INSRR: variants seen among roughly 807,000 people sequenced by gnomAD.
INSRR encodes the protein insulin receptor related receptor.
Under a neutral mutation model 130.0 loss-of-function variants are expected in INSRR, and 114 were observed. That is an observed-to-expected ratio of 0.88 (90% CI 0.75 to 1.02). The LOEUF is 1.02. Ranked by LOEUF, INSRR falls within the 50% of genes least tolerant of loss-of-function variation. The pLI is 0.00. For missense variants in INSRR, 1,657 were observed against 1,735.2 expected, an observed-to-expected ratio of 0.95 and a Z score of 0.80; for synonymous variants, 674 against 705.2, an observed-to-expected ratio of 0.96 and a Z score of 0.70.
In INSRR at chr1:156,844,839, C is replaced by T; in HGVS notation, c.2442G>A (p.Glu814=). Residue 814 remains glutamate, a synonymous_variant, in exon 13 of 22, where the codon GAG becomes GAA. Transcript: ENST00000368195. ...CCACCTTTCCTGGAATACCATCAGCCTCTCCTGCGGGAAGGGGCATCCAGC... is the reference window on the plus strand; with the variant it reads ...CCACCTTTCCTGGAATACCATCAGCTTCTCCTGCGGGAAGGGGCATCCAGC... The part of the protein sequence containing the change: ...FVFARTMPHR[E]ADGIPGKVAW... 6.2e-7 allele frequency: 1 copy of T among 1,614,010 alleles called. No homozygotes were observed. The highest frequency in any genetic ancestry group is 8.5e-7 in the Non-Finnish European group (1 of 1,179,990).
intron 5 of INSRR, among the ~76,000 whole-genome samples, chr1:156,850,787 C>T (rs1422240026): frequency 6.6e-6 from 1 of 151,716 alleles, no homozygotes; most frequent in African/African-American, 2.4e-5. Context: ...GAATTCCTGA[C>T]CTCAAGTGAT....
Position 156,849,018 on chromosome 1 carries a change from T to C in INSRR, c.1474A>G (p.Asn492Asp), listed in dbSNP as rs1655109496. 1.9e-6 allele frequency: 3 copies of C among 1,613,504 alleles called. No individual in the cohort carries two copies. The African/African-American group carries it at 4.0e-5, about 22-fold the overall frequency. The change falls in exon 7 of 22, where the codon AAC becomes GAC. Residue 492 changes from asparagine (N) to aspartate (D), a missense_variant. Transcript: ENST00000368195. ...AGGATGCGGTCTGCCTCCGTCACGTTGGACACGAAGCGCAGGGTGCGAGTC... is the reference window on the plus strand; with the variant it reads ...AGGATGCGGTCTGCCTCCGTCACGTCGGACACGAAGCGCAGGGTGCGAGTC... ...CQTRTLRFVSNVTEADRILLR... is the reference protein window; with the variant it reads ...CQTRTLRFVSDVTEADRILLR...
At chr1:156,852,789 G>A (rs1655271684) in intron 2 of INSRR, among the ~76,000 whole-genome samples, 1 of 152,262 alleles carries the variant, frequency 6.6e-6, no homozygotes, top group African/African-American at 2.4e-5. Flanking sequence ...GCCAGGTCGT[G>A]TTGACACTGT....
rs1654737871 is a variant in INSRR, at chr1:156,840,637, ACTC to A, written c.*233_*235del. 1 of 572,354 alleles carries A rather than the reference ACTC, an allele frequency of 1.7e-6. No individual in the cohort carries two copies. The highest frequency in any genetic ancestry group is 3.1e-6 in the Non-Finnish European group (1 of 320,250). The allele number at this position is 572,354 out of a possible 1,614,324, so 35.5% of individuals were successfully genotyped here. A position where few individuals can be genotyped will look rare whatever the true frequency, so the allele number is the denominator to read the frequency against. On this transcript the variant is annotated 3_prime_UTR_variant, in exon 22 of 22. Coordinates refer to ENST00000368195, the MANE Select transcript of INSRR (RefSeq NM_014215.3). ...GACATCTCTCCCTGACCTGATCTCT[ACTC>A]CTCTGGCTTTGACCCTGCTTGCTCT... is the stretch of plus-strand genomic sequence containing the variant.
chr1:156,853,680 C>A, intron 2 of INSRR, 72 bp downstream of exon 2: 3 of 1,449,774 alleles, frequency 2.1e-6, no homozygotes, highest in Non-Finnish European at 2.8e-6. Flanking sequence ...CCCACACCAT[C>A]CTGTGGCCAC....
In INSRR at chr1:156,858,725, G is replaced by C; in HGVS notation, c.-104C>G. ...GACACAGAGACCAGGGTTCAGATAG[G>C]AGAGGGAGGGCAGGGGCAGAGAGAC... On this transcript the variant is annotated 5_prime_UTR_variant, in exon 1 of 22. Coordinates refer to ENST00000368195, the MANE Select transcript of INSRR (RefSeq NM_014215.3). The C allele has an allele frequency of 1.1e-6, 1 of 922,036 alleles. No homozygotes were observed. The highest frequency in any genetic ancestry group is 1.8e-6 in the Non-Finnish European group (1 of 561,680). 57.1% of individuals were successfully genotyped at this position (922,036 alleles called of 1,614,324 possible).
At chr1:156,850,321 C>T (rs905336848) in intron 5 of INSRR, among the ~76,000 whole-genome samples, 5 of 152,066 alleles carry the variant, frequency 3.3e-5, no homozygotes, top group Non-Finnish European at 7.4e-5. Context: ...AAGTGATTCT[C>T]CTGCCTCAGC....
rs1483213055 is a variant in INSRR at position 156,842,213 on chromosome 1, A to T, written c.3296T>A (p.Ile1099Asn). ...LGEMIQMAGE[I>N]ADGMAYLAAN... Reference sequence around the variant, plus strand: ...AGCAAGGTAGGCCATGCCGTCTGCAATCTCACCAGCCATTTGGATCATTTC... The same window carrying T: ...AGCAAGGTAGGCCATGCCGTCTGCATTCTCACCAGCCATTTGGATCATTTC... Residue 1099 changes from isoleucine to asparagine, a missense_variant, in exon 19 of 22, where the codon ATT (isoleucine) becomes AAT (asparagine). Physicochemically the swap from Ile to Asn is moderately radical, Grantham distance 149. Coordinates refer to ENST00000368195, the MANE Select transcript of INSRR (RefSeq NM_014215.3). 1 of 1,614,016 alleles carries T rather than the reference A, an allele frequency of 6.2e-7. No individual in the cohort carries two copies. The highest frequency in any genetic ancestry group is 8.5e-7 in the Non-Finnish European group (1 of 1,180,010).
chr1:156,846,140 C>T, intron 8 of INSRR, 21 bp from the exon 9 acceptor site: 1 of 1,566,294 alleles, frequency 6.4e-7, no homozygotes, highest in Middle Eastern at 1.7e-4. Context: ...GAGAAGGATG[C>T]AACTCAGGGG....
chr1:156,841,802 G>A lies in INSRR; in HGVS notation c.3398-8C>T. Reference sequence around the variant, plus strand: ...CCCGAGTCATCCCGAAGTCTGGAAAGTGAGGGTGAGGGTGGAGGAGGTGTG... The same window carrying A: ...CCCGAGTCATCCCGAAGTCTGGAAAATGAGGGTGAGGGTGGAGGAGGTGTG... On this transcript the variant is annotated splice_region_variant and splice_polypyrimidine_tract_variant and intron_variant, in intron 19 of 21. Coordinates refer to ENST00000368195, the MANE Select transcript of INSRR (RefSeq NM_014215.3). 6.2e-7 allele frequency: 1 copy of A among 1,614,150 alleles called. No individual in the cohort carries two copies. The highest frequency in any genetic ancestry group is 8.5e-7 in the Non-Finnish European group (1 of 1,180,008).
At position 156,851,299 on chromosome 1, in the gene INSRR, A is replaced by G. The variant is rs761265475; in HGVS notation, c.1220T>C (p.Met407Thr). 1.1e-5 allele frequency: 18 copies of G among 1,614,014 alleles called. No homozygotes were observed. The South Asian group carries it at 1.5e-4, about 14-fold the overall frequency. Residue 407 changes from methionine (M) to threonine (T), a missense_variant, in exon 5 of 22, where the codon ATG becomes ACG. Met to Thr is a moderately conservative substitution (Grantham distance 81). Coordinates refer to ENST00000368195, the MANE Select transcript of INSRR (RefSeq NM_014215.3). ...KNLKLIRGDA[M>T]VDGNYTLYVL... Reference sequence around the variant, plus strand: ...GAGGCCTAACCCTTACCCATCCACCATGGCGTCTCCCCGGATTAGTTTGAG... The same window carrying G: ...GAGGCCTAACCCTTACCCATCCACCGTGGCGTCTCCCCGGATTAGTTTGAG...
intron 5 of INSRR, among the ~76,000 whole-genome samples, chr1:156,850,534 C>CT (rs35237064): frequency 0.05 from 2,928 of 58,580 alleles, 581 homozygotes; most frequent in South Asian, 0.072. Flanking sequence ...TTAAAACATT[C>CT]TTTTTTTTTT....
chr1:156,854,236 C>T lies in INSRR; in HGVS notation c.153G>A (p.Val51=), dbSNP rs775612993. Residue 51 remains valine, a synonymous_variant, in exon 2 of 22, where the codon GTG becomes GTA. Transcript: ENST00000368195. The surrounding 1 kb of genome is among the most constrained non-coding windows in gnomAD (Gnocchi z 4.2). ...TGAGCAGGATCTGCAGGTGGCCCTC[C>T]ACCACGCTGCAGTTCTCCAGCTGAC... ...ELRQLENCSV[V]EGHLQILLMF... is the part of the protein sequence containing the mutation. 2.5e-6 allele frequency: 4 copies of T among 1,613,790 alleles called. No individual in the cohort carries two copies. In the Admixed American group the frequency reaches 5.0e-5, roughly 20 times the overall value.
At chr1:156,856,584 C>T (rs1655411502) in intron 1 of INSRR, among the ~76,000 whole-genome samples, 1 of 152,170 alleles carries the variant, frequency 6.6e-6, no homozygotes, top group Non-Finnish European at 1.5e-5. Flanking sequence ...AATCACTTCC[C>T]CTTTAGGCTC....
chr1:156,851,157 A>C (rs1232949461), intron 5 of INSRR, 133 bp downstream of exon 5: 1 of 904,874 alleles, frequency 1.1e-6, no homozygotes. Flanking sequence ...AGACCAGAGA[A>C]GTTAACCTAC....
intron 2 of INSRR, among the ~76,000 whole-genome samples, chr1:156,852,991 C>T (rs1336840112): frequency 1.3e-5 from 2 of 152,150 alleles, no homozygotes; most frequent in Non-Finnish European, 2.9e-5. Context: ...AGATCTGCTC[C>T]CCACCTCTGA....
Position 156,852,105 on chromosome 1 carries a change from C to A in INSRR, c.724G>T (p.Asp242Tyr). ...ECLGGCSQPE[D>Y]PRACVACRHL... is the part of the protein sequence containing the mutation. ...CGGCAAGCTACACAGGCACGAGGGT[C>A]TTCTGGCTGGCTGCAGCCCCCCAGG... Residue 242 changes from aspartate (D) to tyrosine (Y), a missense_variant, in exon 3 of 22, where the codon GAC becomes TAC. Coordinates refer to ENST00000368195, the MANE Select transcript of INSRR (RefSeq NM_014215.3). The A allele has an allele frequency of 6.2e-7, 1 of 1,613,752 alleles. No homozygotes were observed. The highest frequency in any genetic ancestry group is 8.5e-7 in the Non-Finnish European group (1 of 1,179,980).
At chr1:156,855,302 C>T (rs1655372816) in intron 1 of INSRR, among the ~76,000 whole-genome samples, 1 of 152,104 alleles carries the variant, frequency 6.6e-6, no homozygotes, top group African/African-American at 2.4e-5. Flanking sequence ...CTCCTGAGTT[C>T]AAGTGATTCT....
At chr1:156,851,843 C>T (rs1036922205) in intron 3 of INSRR, 45 bp downstream of exon 3, 4 of 1,578,956 alleles carry the variant, frequency 2.5e-6, no homozygotes, top group Non-Finnish European at 3.4e-6. Flanking sequence ...CCTCCTCAGG[C>T]CTCCTCACTG....
Sources: allele counts gnomAD v4.1 joint callset (sites outside exome capture counted in the v4.1 genomes callset), GRCh38; gene constraint gnomAD v4.1.1; non-coding constraint Gnocchi (gnomAD v3.1); transcripts MANE v1.5; gene names NCBI Gene and HGNC (gene_info 2026-07-23, HGNC 2026-07-21).